The following STAB1 variants were observed in gnomAD, a reference collection of about 807,000 sequenced individuals.
STAB1 encodes stabilin 1, also known as stabilin-1.
Under a neutral mutation model 332.4 loss-of-function variants are expected in STAB1, and 250 were observed. That is an observed-to-expected ratio of 0.75 (90% CI 0.68 to 0.84). The LOEUF (loss-of-function observed/expected upper bound fraction) is 0.84, where lower values mean the gene tolerates loss of function less well. Ranked by LOEUF, STAB1 falls within the 40% of genes least tolerant of loss-of-function variation. STAB1 has a pLI of 0.00. For missense variants in STAB1, 3,249 were observed against 3,489.7 expected (o/e 0.93, Z 1.74); for synonymous variants, 1,475 against 1,390.4 (o/e 1.06, Z -1.35).
At position 52,502,762 on chromosome 3, in the gene STAB1, G is replaced by C. The variant is rs763436202; in HGVS notation, c.583+35G>C. 3 of 1,595,926 alleles carry C rather than the reference G, an allele frequency of 1.9e-6. No individual in the cohort carries two copies. In the South Asian group the frequency reaches 3.3e-5, roughly 18 times the overall value. ...GCCACTGGGATAGCCTAGGGCAGCA[G>C]GTCCCTGTGGCCAGAGCAAAAGAGG... On this transcript the variant is annotated intron_variant, in intron 6 of 68. Transcript: ENST00000321725.
chr3:52,516,859 C>T, intron 41 of STAB1, 91 bp downstream of exon 41: 2 of 1,597,136 alleles, frequency 1.3e-6, no homozygotes, highest in Non-Finnish European at 1.7e-6. Flanking sequence ...GCCCAGCCCC[C>T]CTCACTGTCC....
chr3:52,502,566 A>T, intron 5 of STAB1, 66 bp from the exon 6 acceptor site: 2 of 1,388,626 alleles, frequency 1.4e-6, no homozygotes, highest in Non-Finnish European at 2.0e-6. Context: ...GAGAGCAGGG[A>T]CCCGATGTCC....
Position 52,513,985 on chromosome 3 carries a change from C to T in STAB1, c.3447+4C>T, listed in dbSNP as rs116814767. 2.0e-3 allele frequency: 3,142 copies of T among 1,596,468 alleles called. 50 individuals are homozygous for T. The African/African-American group carries it at 0.037, about 19-fold the overall frequency. ...CCTCTTCCGGGAATTGCTGCAGGTA[C>T]GGAAGGCTGGCAAGAGGGGATGTGC... On this transcript the variant is annotated splice_donor_region_variant and intron_variant, in intron 32 of 68. Transcript: ENST00000321725.
At chr3:52,520,323 G>A (rs577890088) in intron 52 of STAB1, 33 bp downstream of exon 52, 2 of 1,612,952 alleles carry the variant, frequency 1.2e-6, no homozygotes, top group South Asian at 2.2e-5. Context: ...GATGAAGGGA[G>A]TAGGAGGCAG....
chr3:52,515,359 C>T lies in STAB1; in HGVS notation c.3865-64C>T, dbSNP rs1017145631. The T allele has an allele frequency of 4.7e-6, 7 of 1,492,624 alleles. No homozygotes were observed. The African/African-American group carries it at 8.3e-5, about 18-fold the overall frequency. The allele number at this position is 1,492,624 out of a possible 1,614,324, so 92.5% of individuals were successfully genotyped here. ...ACCTGTAGTCCATCTGTCTGTCTCCCCATTCACTGCCCTGCCCCTGCCCAA... is the reference window on the plus strand; with the variant it reads ...ACCTGTAGTCCATCTGTCTGTCTCCTCATTCACTGCCCTGCCCCTGCCCAA... On this transcript the variant is annotated intron_variant, in intron 36 of 68. Coordinates refer to ENST00000321725, the MANE Select transcript of STAB1 (RefSeq NM_015136.3).
At position 52,518,307 on chromosome 3, in the gene STAB1, C is replaced by A. The variant is rs371132417; in HGVS notation, c.4762-5C>A. On this transcript the variant is annotated splice_polypyrimidine_tract_variant and splice_region_variant and intron_variant, in intron 45 of 68. Coordinates refer to ENST00000321725, the MANE Select transcript of STAB1 (RefSeq NM_015136.3). ...CCAAATCTGAGCTGACCCTCGCCCC[C>A]CCAGGAGCTCCTGAGGGATAAGCAT... 226 of 1,612,614 alleles carry A rather than the reference C, an allele frequency of 1.4e-4. No homozygotes were observed. Among genetic ancestry groups the A allele is most frequent in the Non-Finnish European group, 1.7e-4 (201 of 1,179,812 alleles).
Position 52,515,489 on chromosome 3 carries a change from T to C in STAB1, c.3931T>C (p.Cys1311Arg), listed in dbSNP as rs2078831788. 1 of 1,613,418 alleles carries C rather than the reference T, an allele frequency of 6.2e-7. No individual in the cohort carries two copies. The highest frequency in any genetic ancestry group is 8.5e-7 in the Non-Finnish European group (1 of 1,180,002). The change falls in exon 37 of 69, where the codon TGT becomes CGT. Residue 1311 changes from cysteine to arginine, a missense_variant. Transcript: ENST00000321725. ...FSFSRGCSYTCAKKIQVPDCC... is the reference protein window; with the variant it reads ...FSFSRGCSYTRAKKIQVPDCC... ...CTTCTCCCGGGGCTGCTCTTACACA[T>C]GTGCCAAGAAGATCCAGGTTTGCCC...
Position 52,512,590 on chromosome 3 carries a change from C to G in STAB1, c.2980-6C>G, listed in dbSNP as rs774485643. The stretch of plus-strand genomic sequence containing the variant: ...CCTGTGACCTCAGACTTTTCCCTTC[C>G]CTTAGGAGCTGGAGGCAAATGCCCA... On this transcript the variant is annotated splice_region_variant and splice_polypyrimidine_tract_variant and intron_variant, in intron 27 of 68. Transcript: ENST00000321725. 1 of 1,613,898 alleles carries G rather than the reference C, an allele frequency of 6.2e-7. No individual in the cohort carries two copies. Among genetic ancestry groups the G allele is most frequent in the African/African-American group, 1.3e-5 (1 of 75,036 alleles).
At position 52,514,448 on chromosome 3, in the gene STAB1, C is replaced by A; in HGVS notation, c.3630C>A (p.Ser1210=). ...TGCGGAAGGGTGGACACCGCAACTC[C>A]CTCCTGGGCCCTGCCCACTGGATCG... The part of the protein sequence containing the change: ...ETLRKGGHRN[S]LLGPAHWIVF... Residue 1210 remains serine, a synonymous_variant, in exon 34 of 69, where the codon TCC becomes TCA. Coordinates refer to ENST00000321725, the MANE Select transcript of STAB1 (RefSeq NM_015136.3). The A allele has an allele frequency of 6.5e-7, 1 of 1,547,596 alleles. No individual in the cohort carries two copies. The highest frequency in any genetic ancestry group is 8.7e-7 in the Non-Finnish European group (1 of 1,147,758).
rs74998785 is a variant in STAB1 at position 52,514,520 on chromosome 3, G to A, written c.3678+24G>A. 3,276 of 1,523,696 alleles carry A rather than the reference G, an allele frequency of 2.2e-3. 76 individuals are homozygous for A. The African/African-American group carries it at 0.041, about 19-fold the overall frequency. The allele number at this position is 1,523,696 out of a possible 1,614,324, so 94.4% of individuals were successfully genotyped here. A position where few individuals can be genotyped will look rare whatever the true frequency, so the allele number is the denominator to read the frequency against. ...AGGTTTGGGGGTCAGGGAGCAAGGA[G>A]ACCCTAGCCCGGGCCCCTACCCCTG... On this transcript the variant is annotated intron_variant, in intron 34 of 68. Transcript: ENST00000321725.
chr3:52,519,256 G>GC lies in STAB1; in HGVS notation c.5035-3dup, dbSNP rs35015844. 0.035 allele frequency: 56,265 copies of GC among 1,609,730 alleles called. 1,140 individuals carry two copies. The highest frequency in any genetic ancestry group is 0.039 in the Non-Finnish European group (46,193 of 1,177,996). On this transcript the variant is annotated splice_polypyrimidine_tract_variant and splice_region_variant and intron_variant, in intron 48 of 68. Transcript: ENST00000321725. ...ATCTGCTTCATCAGCCCCGTGCCCC[G>GC]CCCCCAGGGCAGCATATACCTCAAT...
intron 30 of STAB1, 94 bp from the exon 31 acceptor site, chr3:52,513,623 G>A (rs991036939): frequency 1.5e-6 from 2 of 1,295,646 alleles, no homozygotes; most frequent in Non-Finnish European, 2.2e-6. Context: ...ACCTGTGGGT[G>A]CCTGTGTGCC....
At chr3:52,509,089 A>C (rs1250086154) in intron 21 of STAB1, 121 bp from the exon 22 acceptor site, 18 of 856,132 alleles carry the variant, frequency 2.1e-5, no homozygotes, top group Non-Finnish European at 2.5e-5. Context: ...GATCCCTTCC[A>C]GGATGAGCTC....
rs1006302821 is a variant in STAB1 at position 52,513,865 on chromosome 3, C to T, written c.3349-18C>T. ...GTGAAGCAATGACATACTGACCAGG[C>T]CCTGTGCTCTGTACCAGGTCTTACT... On this transcript the variant is annotated intron_variant, in intron 31 of 68. Transcript: ENST00000321725. 6.2e-7 allele frequency: 1 copy of T among 1,611,026 alleles called. No individual in the cohort carries two copies. The highest frequency in any genetic ancestry group is 1.3e-5 in the African/African-American group (1 of 75,036).
intron 7 of STAB1, 86 bp downstream of exon 7, chr3:52,503,195 A>C (rs1022011873): frequency 1.2e-5 from 18 of 1,502,330 alleles, no homozygotes; most frequent in Non-Finnish European, 1.5e-5. Context: ...AGTGCAATGT[A>C]ATTCACAAGG....
intron 18 of STAB1, 145 bp downstream of exon 18, chr3:52,506,995 CCT>C (rs2153233258): frequency 1.8e-6 from 2 of 1,100,876 alleles, no homozygotes; most frequent in Non-Finnish European, 1.3e-6. Flanking sequence ...CAAGGACCCA[CCT>C]GTGCTTCCCC....
chr3:52,505,603 C>T, intron 14 of STAB1, 65 bp from the exon 15 acceptor site: 2 of 1,521,740 alleles, frequency 1.3e-6, no homozygotes, highest in Non-Finnish European at 1.8e-6. Flanking sequence ...GTGGCAGGGC[C>T]CAGGCAGGAC....
In STAB1 at chr3:52,513,246, GTGGTGAACTC is replaced by G. The variant is rs1201694333; in HGVS notation, c.3270+9_3270+18del. 6.4e-7 allele frequency: 1 copy of G among 1,567,428 alleles called. No homozygotes were observed. The highest frequency in any genetic ancestry group is 8.6e-7 in the Non-Finnish European group (1 of 1,157,112). On this transcript the variant is annotated splice_donor_region_variant and intron_variant, in intron 30 of 68. Transcript: ENST00000321725. Reference sequence around the variant, plus strand: ...GAGATTCGCAACATTAGTGGGGTATGTGGTGAACTCTGGGCAGAAAAGGGGACCAGGTAGG... The same window carrying G: ...GAGATTCGCAACATTAGTGGGGTATGTGGGCAGAAAAGGGGACCAGGTAGG...
In STAB1 at chr3:52,510,070, CCTT is replaced by C; in HGVS notation, c.2534+17_2534+19del. The C allele has an allele frequency of 6.2e-7, 1 of 1,612,532 alleles. No individual in the cohort carries two copies. The highest frequency in any genetic ancestry group is 8.5e-7 in the Non-Finnish European group (1 of 1,179,352). On this transcript the variant is annotated intron_variant, in intron 23 of 68. Coordinates refer to ENST00000321725, the MANE Select transcript of STAB1 (RefSeq NM_015136.3). ...GGGTGTTGCCAGGTGAGGACCCACACCTTCTGTCTGCCCCACCCGTGACCTTTC... is the reference window on the plus strand; with the variant it reads ...GGGTGTTGCCAGGTGAGGACCCACACCTGTCTGCCCCACCCGTGACCTTTC...
Sources: gnomAD v4.1 joint callset for allele counts on GRCh38, gnomAD v4.1.1 for gene constraint, MANE v1.5 for transcripts, NCBI Gene and HGNC (gene_info 2026-07-23, HGNC 2026-07-21) for gene names.